The following SEC31A variants were observed in gnomAD, a reference collection of about 807,000 sequenced individuals.
SEC31A encodes SEC31 homolog A, COPII component.
In SEC31A, 70 loss-of-function variants were observed where a neutral mutation model predicts 151.0. That is an observed-to-expected ratio of 0.46 (90% CI 0.38 to 0.57). SEC31A has a LOEUF of 0.57. Ranked by LOEUF, SEC31A falls within the 20% of genes least tolerant of loss-of-function variation. The pLI is 0.00. For missense variants in SEC31A, 1,330 were observed against 1,471.2 expected (o/e 0.90, Z 1.57); for synonymous variants, 475 against 505.9 (o/e 0.94, Z 0.82).
intron 1 of SEC31A, among the ~76,000 whole-genome samples, chr4:82,887,439 G>C (rs1740991636): frequency 6.6e-6 from 1 of 152,142 alleles, no homozygotes; most frequent in African/African-American, 2.4e-5. Flanking sequence ...AAATTGTGTG[G>C]GCTTGTTCAT....
chr4:82,824,806 A>G, intron 24 of SEC31A, 132 bp from the exon 25 acceptor site: 1 of 970,460 alleles, frequency 1.0e-6, no homozygotes, highest in Non-Finnish European at 1.5e-6. Flanking sequence ...TTAAAATTTA[A>G]TGTGTGAAAT....
At chr4:82,831,000 T>C in intron 22 of SEC31A, 1 of 1,111,826 alleles carries the variant, frequency 9.0e-7, no homozygotes, top group Non-Finnish European at 1.2e-6. Flanking sequence ...TAAAAATTAC[T>C]TAACAGTGTT....
intron 7 of SEC31A, 103 bp from the exon 8 acceptor site, chr4:82,870,527 T>C: frequency 1.1e-6 from 1 of 915,554 alleles, no homozygotes; most frequent in East Asian, 2.5e-5. Context: ...TTAACAGAAA[T>C]ACAATTAAAT....
chr4:82,875,978 C>A, intron 4 of SEC31A, 156 bp from the exon 5 acceptor site: 2 of 421,570 alleles, frequency 4.7e-6, no homozygotes, highest in East Asian at 3.7e-5. Flanking sequence ...CTAAATTATG[C>A]ATAATTCTTT....
At chr4:82,852,790 T>C (rs145045440) in intron 18 of SEC31A, among the ~76,000 whole-genome samples, 2 of 152,336 alleles carry the variant, frequency 1.3e-5, no homozygotes, top group Non-Finnish European at 2.9e-5. Context: ...TGGTGTCACA[T>C]GGCAGTGGTC....
intron 6 of SEC31A, among the ~76,000 whole-genome samples, chr4:82,874,157 G>C (rs956136026): frequency 6.6e-6 from 1 of 152,092 alleles, no homozygotes; most frequent in African/African-American, 2.4e-5. Context: ...AATTAGCCGG[G>C]CTTGATGGTG....
intron 10 of SEC31A, among the ~76,000 whole-genome samples, chr4:82,865,285 C>T (rs1425810722): frequency 6.6e-6 from 1 of 151,952 alleles, no homozygotes; most frequent in Non-Finnish European, 1.5e-5. Flanking sequence ...AACTAGAACC[C>T]TTGTGCACCA....
At chr4:82,879,002 C>T (rs371991767) in intron 3 of SEC31A, 74 bp from the exon 4 acceptor site, 44 of 1,110,310 alleles carry the variant, frequency 4.0e-5, no homozygotes, top group Admixed American at 3.5e-4. Context: ...AAATTATACA[C>T]TTAATTTTTA....
chr4:82,820,726 C>T (rs930562887), intron 26 of SEC31A, among the ~76,000 whole-genome samples: 1 of 152,144 alleles, frequency 6.6e-6, no homozygotes, highest in Non-Finnish European at 1.5e-5. Flanking sequence ...TTTCTTGTAA[C>T]TGGGCCATAT....
At chr4:82,859,093 A>G (rs766486011) in intron 14 of SEC31A, among the ~76,000 whole-genome samples, 6 of 152,160 alleles carry the variant, frequency 3.9e-5, no homozygotes, top group Non-Finnish European at 8.8e-5. Flanking sequence ...ATTTGATTAT[A>G]AAGTGTTTTT....
intron 23 of SEC31A, among the ~76,000 whole-genome samples, chr4:82,828,019 A>G (rs551430801): frequency 1.1e-4 from 17 of 152,214 alleles, no homozygotes; most frequent in African/African-American, 4.1e-4. Flanking sequence ...GGTTCAAGCA[A>G]TTCTCGTGCC....
At chr4:82,844,118 G>T in intron 21 of SEC31A, 1 of 392,680 alleles carries the variant, frequency 2.5e-6, no homozygotes, top group Non-Finnish European at 4.5e-6. Context: ...CAAAATCATG[G>T]GACACTTGAT....
chr4:82,861,820 C>T, intron 13 of SEC31A, 112 bp from the exon 14 acceptor site: 1 of 516,624 alleles, frequency 1.9e-6, no homozygotes, highest in Non-Finnish European at 3.5e-6. Flanking sequence ...CTAGTTTAAT[C>T]ATAAGAAGCA....
At chr4:82,884,754 A>C (rs370647609) in intron 1 of SEC31A, among the ~76,000 whole-genome samples, 10 of 152,198 alleles carry the variant, frequency 6.6e-5, no homozygotes, top group African/African-American at 2.4e-4. Context: ...ATTTTTGTGA[A>C]TTGTTCTTGG....
At chr4:82,856,658 G>A (rs1732736728) in intron 16 of SEC31A, among the ~76,000 whole-genome samples, 1 of 152,028 alleles carries the variant, frequency 6.6e-6, no homozygotes, top group African/African-American at 2.4e-5. Flanking sequence ...GGCTGAGGTA[G>A]GAGAATCGCT....
In SEC31A at chr4:82,842,255, T is replaced by C. The variant is rs752426737; in HGVS notation, c.2853A>G (p.Ala951=). 1 of 1,613,938 alleles carries C rather than the reference T, an allele frequency of 6.2e-7. No homozygotes were observed. Among genetic ancestry groups the C allele is most frequent in the South Asian group, 1.1e-5 (1 of 91,064 alleles). ...TSFPPPPSSG[A]SFQHGGPGAP... ...CTCCTGGTCCGCCATGCTGGAAGGA[T>C]GCTCCAGAGGAAGGGGGAGGAGGGA... is the stretch of plus-strand genomic sequence containing the variant. The change falls in exon 22 of 27, where the codon GCA becomes GCG. Residue 951 remains alanine (A), a synonymous_variant. Coordinates refer to ENST00000395310, the MANE Select transcript of SEC31A (RefSeq NM_001077207.4).
At chr4:82,849,226 C>T (rs1168199194) in intron 19 of SEC31A, among the ~76,000 whole-genome samples, 2 of 152,184 alleles carry the variant, frequency 1.3e-5, no homozygotes, top group Admixed American at 1.3e-4. Flanking sequence ...ATACCTACCT[C>T]ATGGTTACTA....
intron 20 of SEC31A, among the ~76,000 whole-genome samples, chr4:82,847,087 TG>T (rs1730401538): frequency 6.6e-6 from 1 of 152,226 alleles, no homozygotes; most frequent in Non-Finnish European, 1.5e-5. Flanking sequence ...GGACTGTTCA[TG>T]TTATCAGCAA....
In SEC31A at chr4:82,842,059, GA is replaced by G. The variant is rs1729038683; in HGVS notation, c.2968+80del. 21 of 1,182,240 alleles carry G rather than the reference GA, an allele frequency of 1.8e-5. 1 individual carries two copies. The South Asian group carries it at 3.4e-4, about 19-fold the overall frequency. 73.2% of individuals were successfully genotyped at this position (1,182,240 alleles called of 1,614,324 possible). A position where few individuals can be genotyped will look rare whatever the true frequency, so the allele number is the denominator to read the frequency against. Reference sequence around the variant, plus strand: ...ACATTACCCAGTTTACAAACAGTTAGAAATAATACCCCTCCATCCACCCATC... The same window carrying G: ...ACATTACCCAGTTTACAAACAGTTAGAATAATACCCCTCCATCCACCCATC... On this transcript the variant is annotated intron_variant, in intron 22 of 26. Coordinates refer to ENST00000395310, the MANE Select transcript of SEC31A (RefSeq NM_001077207.4).
Sources: allele counts gnomAD v4.1 joint callset (sites outside exome capture counted in the v4.1 genomes callset), GRCh38; gene constraint gnomAD v4.1.1; transcripts MANE v1.5; gene names NCBI Gene and HGNC (gene_info 2026-07-23, HGNC 2026-07-21).